Variants in PTK2 observed in about 807,000 individuals in gnomAD.
The protein encoded by PTK2 is focal adhesion kinase 1.
In PTK2, 45 loss-of-function variants were observed where a neutral mutation model predicts 150.1. That is an observed-to-expected ratio of 0.30 (90% CI 0.24 to 0.38). The LOEUF (loss-of-function observed/expected upper bound fraction) is 0.38. Among genes scored for constraint, PTK2 ranks in the 10% least tolerant of loss-of-function variants. The pLI is 1.00. For missense variants in PTK2, 919 were observed against 1,307.3 expected (o/e 0.70, Z 4.58); for synonymous variants, 432 against 449.2 (o/e 0.96, Z 0.48).
At chr8:140,931,678 T>C (rs1255259576) in intron 1 of PTK2, among the ~76,000 whole-genome samples, 2 of 152,076 alleles carry the variant, frequency 1.3e-5, no homozygotes, top group Non-Finnish European at 2.9e-5. Context: ...CTCATGCCTG[T>C]AAACCCAGCA....
At chr8:140,704,671 G>A (rs1762947755) in intron 24 of PTK2, among the ~76,000 whole-genome samples, 1 of 152,124 alleles carries the variant, frequency 6.6e-6, no homozygotes, top group Admixed American at 6.5e-5. Flanking sequence ...CCATCTGCTT[G>A]TCTGCCAGAG....
chr8:140,693,564 TAAAAAAAAAAAAAAAAAAAAAA>T (rs377205785), intron 26 of PTK2, among the ~76,000 whole-genome samples: 20 of 72,456 alleles, frequency 2.8e-4, no homozygotes, highest in Admixed American at 2.1e-3. Context: ...TTGTCTCAAT[TAAAAAAAAAAAAAAAAAAAAAA>T]AAAAAAAAAA....
At chr8:140,678,646 T>G (rs927740800) in intron 27 of PTK2, among the ~76,000 whole-genome samples, 2 of 152,130 alleles carry the variant, frequency 1.3e-5, no homozygotes, top group African/African-American at 4.8e-5. Flanking sequence ...GAGCCACTAC[T>G]CCAGACCAAA....
intron 3 of PTK2, among the ~76,000 whole-genome samples, chr8:140,889,293 G>A (rs1281622920): frequency 3.9e-5 from 6 of 151,930 alleles, no homozygotes; most frequent in South Asian, 2.1e-4. Flanking sequence ...GCAGTGGCAC[G>A]ATCTCAGCTC....
intron 27 of PTK2, among the ~76,000 whole-genome samples, chr8:140,681,127 G>A (rs2100016661): frequency 6.6e-6 from 1 of 152,086 alleles, no homozygotes; most frequent in Non-Finnish European, 1.5e-5. Flanking sequence ...CACTTTGGGA[G>A]GCCAAGGCGA....
At chr8:140,701,619 G>T (rs183652661) in intron 25 of PTK2, among the ~76,000 whole-genome samples, 1 of 152,234 alleles carries the variant, frequency 6.6e-6, no homozygotes, top group Non-Finnish European at 1.5e-5. Context: ...AGAAAATTTA[G>T]TAAAAATTAA....
chr8:140,980,618 T>C (rs1444668889), intron 1 of PTK2, among the ~76,000 whole-genome samples: 3 of 152,036 alleles, frequency 2.0e-5, no homozygotes, highest in Admixed American at 2.0e-4. Flanking sequence ...CGAGACTTCA[T>C]CTCAAAAATA....
rs184545488 is a variant in PTK2 at position 140,857,455 on chromosome 8, A to C, written c.450+6857T>G. ...TGGAAAGGCAATTAAGCATCATAAC[A>C]ATTCAATGACTTAGGATTCCAACAG... On this transcript the variant is annotated intron_variant, in intron 5 of 31. Coordinates refer to ENST00000522684, the Ensembl canonical transcript of PTK2. Among the ~76,000 whole-genome samples the C allele has an allele frequency of 7.2e-5, 11 of 152,318 alleles. No individual in the cohort carries two copies. In the East Asian group the frequency reaches 1.9e-3, roughly 27 times the overall value.
intron 1 of PTK2, among the ~76,000 whole-genome samples, chr8:140,992,311 A>C (rs1037796902): frequency 2.3e-4 from 35 of 151,550 alleles, no homozygotes; most frequent in Non-Finnish European, 3.8e-4. Flanking sequence ...AAAAAAAAAA[A>C]ATACAAAAAT....
chr8:140,687,852 C>T (rs2100020894), intron 26 of PTK2, among the ~76,000 whole-genome samples: 1 of 152,138 alleles, frequency 6.6e-6, no homozygotes, highest in Non-Finnish European at 1.5e-5. Context: ...ACAAACTTTC[C>T]AGGGCAGGGG....
chr8:140,819,484 A>G (rs1028056019), intron 8 of PTK2, among the ~76,000 whole-genome samples: 2 of 152,282 alleles, frequency 1.3e-5, no homozygotes, highest in African/African-American at 4.8e-5. Flanking sequence ...GATTAGAGAT[A>G]CATGCAAAGA....
intron 14 of PTK2, among the ~76,000 whole-genome samples, chr8:140,773,507 C>T (rs1326783095): frequency 3.3e-5 from 5 of 152,090 alleles, no homozygotes; most frequent in African/African-American, 1.2e-4. Context: ...CAAAGACTTC[C>T]AGGAGGAGAG....
upstream of PTK2, chr8:141,001,912 A>G (rs1204658799): frequency 6.6e-6 from 1 of 152,228 alleles, no homozygotes; most frequent in African/African-American, 2.4e-5. Context: ...TGGAAGATGA[A>G]AAATCATGAA....
At chr8:140,782,560 T>C (rs2100082437) in intron 14 of PTK2, among the ~76,000 whole-genome samples, 1 of 152,164 alleles carries the variant, frequency 6.6e-6, no homozygotes, top group Admixed American at 6.5e-5. Context: ...TACTTTTTAA[T>C]TTTTTCAGTG....
chr8:140,950,234 CG>C, intron 1 of PTK2, among the ~76,000 whole-genome samples: 1 of 152,320 alleles, frequency 6.6e-6, no homozygotes, highest in East Asian at 1.9e-4. Flanking sequence ...GACTAAAACA[CG>C]GCCTCCTGCT....
exon 9 of PTK2, chr8:140,818,963 T>C: frequency 6.2e-7 from 1 of 1,613,650 alleles, no homozygotes; most frequent in South Asian, 1.1e-5. Flanking sequence ...CTTTCTTCTC[T>C]ATTAAGGTTG....
chr8:140,810,253 G>C (rs2100100633), intron 10 of PTK2, among the ~76,000 whole-genome samples: 1 of 152,260 alleles, frequency 6.6e-6, no homozygotes, highest in Non-Finnish European at 1.5e-5. Flanking sequence ...AGAGGGTTTG[G>C]TGCAGGAGCG....
Position 140,844,731 on chromosome 8 carries a change from C to T in PTK2, c.593+1529G>A, listed in dbSNP as rs561028321. ...TGGTGCCTTCCACTGAAGAATGGTA[C>T]TAGAAACCAAGATCTAAGCACAGGG... is the stretch of plus-strand genomic sequence containing the variant. On this transcript the variant is annotated intron_variant, in intron 7 of 31. Coordinates refer to ENST00000522684, the Ensembl canonical transcript of PTK2. Among the ~76,000 whole-genome samples the T allele has an allele frequency of 1.0e-3, 157 of 152,256 alleles. 1 individual carries two copies. Among genetic ancestry groups the T allele is most frequent in the Middle Eastern group, 6.8e-3 (2 of 294 alleles).
At chr8:140,771,823 C>G (rs1042144687) in intron 14 of PTK2, among the ~76,000 whole-genome samples, 31 of 151,556 alleles carry the variant, frequency 2.0e-4, no homozygotes, top group Non-Finnish European at 1.0e-4. Context: ...TCTTCTCCCC[C>G]AAGCTGGAGT....
Sources: gnomAD v4.1 joint callset for allele counts (sites outside exome capture counted in the v4.1 genomes callset) on GRCh38, gnomAD v4.1.1 for gene constraint, MANE v1.5 for transcripts, NCBI Gene and HGNC (gene_info 2026-07-23, HGNC 2026-07-21) for gene names.